Variants in CCDC178 observed in about 807,000 individuals in gnomAD.
The protein encoded by CCDC178 is coiled-coil domain containing 178.
In CCDC178, 126 loss-of-function variants were observed where a neutral mutation model predicts 117.4. That is an observed-to-expected ratio of 1.07 (90% confidence interval 0.93 to 1.24). CCDC178 has a LOEUF of 1.24. CCDC178 is among the 50% of genes most tolerant of loss of function. The pLI is 0.00. For synonymous variants in CCDC178, 283 were observed against 313.4 expected (o/e 0.90, Z 1.02); for missense variants, 1,030 against 986.9 (o/e 1.04, Z -0.59).
At position 33,415,249 on chromosome 18, in the gene CCDC178, A is replaced by C. The variant is rs927779169; in HGVS notation, c.-22-3139T>G. On this transcript the variant is annotated intron_variant, in intron 2 of 22. Transcript: ENST00000383096. ...TCATGCTGCTATAAAGACACATGCA[A>C]ACGTATGTTTATTGCGGCACTATTC... is the stretch of plus-strand genomic sequence containing the variant. Among the ~76,000 whole-genome samples, 6 of 152,164 alleles carry C rather than the reference A, an allele frequency of 3.9e-5. No homozygotes were observed. In the East Asian group the frequency reaches 5.8e-4, roughly 15 times the overall value.
At chr18:33,011,338 T>TC (rs1172967494) in intron 21 of CCDC178, among the ~76,000 whole-genome samples, 1 of 152,154 alleles carries the variant, frequency 6.6e-6, no homozygotes, top group African/African-American at 2.4e-5. Flanking sequence ...CATCCTTTTT[T>TC]CTGCAATAAC....
intron 20 of CCDC178, among the ~76,000 whole-genome samples, chr18:33,176,396 ATATT>A (rs1466033899): frequency 6.6e-6 from 1 of 152,120 alleles, no homozygotes; most frequent in East Asian, 1.9e-4. Context: ...TGTAACTATA[ATATT>A]TTTCTCTTAC....
At chr18:33,266,600 A>G (rs2059818201) in intron 14 of CCDC178, among the ~76,000 whole-genome samples, 1 of 142,062 alleles carries the variant, frequency 7.0e-6, no homozygotes, top group Non-Finnish European at 1.5e-5. Flanking sequence ...AAGAGAACAC[A>G]TGGACACAGG....
chr18:33,055,811 T>C, intron 21 of CCDC178, among the ~76,000 whole-genome samples: 1 of 151,846 alleles, frequency 6.6e-6, no homozygotes, highest in African/African-American at 2.4e-5. Context: ...TGGATAATTT[T>C]TTTTTTTTTT....
At chr18:33,059,100 T>C (rs1176115223) in intron 21 of CCDC178, among the ~76,000 whole-genome samples, 1 of 152,186 alleles carries the variant, frequency 6.6e-6, no homozygotes. Context: ...GGCTAATAGC[T>C]TTGAATTTTA....
At chr18:32,986,052 GT>G (rs1178089256) in intron 21 of CCDC178, among the ~76,000 whole-genome samples, 1 of 151,998 alleles carries the variant, frequency 6.6e-6, no homozygotes, top group Non-Finnish European at 1.5e-5. Context: ...AGGGTTTTGA[GT>G]TTTTTGGCCT....
chr18:33,347,994 C>A (rs1314241412), intron 8 of CCDC178, among the ~76,000 whole-genome samples: 1 of 151,840 alleles, frequency 6.6e-6, no homozygotes, highest in Admixed American at 6.6e-5. Context: ...TTTTAGACCT[C>A]AAATGTACAT....
chr18:33,144,503 G>A (rs765668674), intron 20 of CCDC178, among the ~76,000 whole-genome samples: 9 of 151,828 alleles, frequency 5.9e-5, no homozygotes, highest in East Asian at 2.0e-4. Context: ...GAAGCAGCTC[G>A]ATTCAATGAA....
chr18:33,414,831 A>T (rs1250450737), intron 2 of CCDC178, among the ~76,000 whole-genome samples: 1 of 152,240 alleles, frequency 6.6e-6, no homozygotes, highest in East Asian at 1.9e-4. Flanking sequence ...CAGAATCTAC[A>T]AAGAACTCAA....
intron 20 of CCDC178, among the ~76,000 whole-genome samples, chr18:33,126,363 ATATG>A (rs1325513696): frequency 5.4e-5 from 8 of 148,994 alleles, no homozygotes; most frequent in South Asian, 2.1e-4. Flanking sequence ...TTTAATTAGT[ATATG>A]TATGTATGTG....
At chr18:33,290,905 A>C (rs973273401) in intron 12 of CCDC178, among the ~76,000 whole-genome samples, 1 of 152,262 alleles carries the variant, frequency 6.6e-6, no homozygotes, top group Non-Finnish European at 1.5e-5. Context: ...TTATAAAAAA[A>C]GTAACTGGAA....
At chr18:33,248,978 A>G (rs2059584246) in intron 14 of CCDC178, among the ~76,000 whole-genome samples, 1 of 152,106 alleles carries the variant, frequency 6.6e-6, no homozygotes, top group Non-Finnish European at 1.5e-5. Context: ...GTGAGATGGT[A>G]TCACATTGTG....
intron 2 of CCDC178, among the ~76,000 whole-genome samples, chr18:33,430,605 G>A (rs139934543): frequency 1.0e-3 from 159 of 152,214 alleles, no homozygotes; most frequent in African/African-American, 3.0e-3. Flanking sequence ...AAAGAAGCTG[G>A]ATCCCTACGC....
At chr18:33,392,607 A>G (rs536216099) in intron 4 of CCDC178, among the ~76,000 whole-genome samples, 8 of 152,324 alleles carry the variant, frequency 5.3e-5, no homozygotes, top group African/African-American at 1.9e-4. Flanking sequence ...CAAAATTGTA[A>G]TAGAATCAAA....
chr18:33,263,874 A>G (rs4293453), intron 14 of CCDC178, among the ~76,000 whole-genome samples: 137,904 of 152,010 alleles, frequency 0.91, 62,710 homozygotes, highest in East Asian at 1. Context: ...AAGATTTTCT[A>G]CAAATAGTGT....
intron 7 of CCDC178, among the ~76,000 whole-genome samples, chr18:33,355,091 A>G (rs2063035357): frequency 6.6e-6 from 1 of 152,194 alleles, no homozygotes; most frequent in Admixed American, 6.5e-5. Flanking sequence ...CCTTGAGAAC[A>G]GTTTATGTTA....
intron 20 of CCDC178, among the ~76,000 whole-genome samples, chr18:33,120,051 G>C (rs2057915979): frequency 1.3e-5 from 2 of 151,992 alleles, no homozygotes; most frequent in African/African-American, 4.8e-5. Flanking sequence ...GGGGGGAGTG[G>C]GGAGGGATAG....
intron 20 of CCDC178, among the ~76,000 whole-genome samples, chr18:33,145,986 G>A (rs1162079372): frequency 3.9e-5 from 6 of 152,110 alleles, no homozygotes; most frequent in African/African-American, 7.2e-5. Context: ...AGTGGGTAAC[G>A]TCTGTTAAAA....
intron 7 of CCDC178, among the ~76,000 whole-genome samples, chr18:33,350,182 G>A (rs1161302638): frequency 6.6e-6 from 1 of 151,950 alleles, no homozygotes; most frequent in African/African-American, 2.4e-5. Context: ...ACATGATATA[G>A]TAAATTATTA....
Sources: allele counts gnomAD v4.1 joint callset (sites outside exome capture counted in the v4.1 genomes callset), GRCh38; gene constraint gnomAD v4.1.1; transcripts MANE v1.5; gene names NCBI Gene and HGNC (gene_info 2026-07-23, HGNC 2026-07-21).